SAMD12: variants seen among roughly 807,000 people sequenced by gnomAD.
SAMD12 encodes the protein sterile alpha motif domain-containing protein 12.
In SAMD12, 9 loss-of-function variants were observed where a neutral mutation model predicts 15.0. That is an observed-to-expected ratio of 0.60 (90% CI 0.36 to 1.05). The LOEUF (loss-of-function observed/expected upper bound fraction) is 1.05, where lower values mean the gene tolerates loss of function less well. Among genes scored for constraint, SAMD12 ranks in the 50% least tolerant of loss-of-function variants. SAMD12 has a pLI of 0.01. For missense variants in SAMD12, 230 were observed against 234.2 expected (o/e 0.98, Z 0.12); for synonymous variants, 86 against 90.1 (o/e 0.96, Z 0.25).
At chr8:118,391,258 A>G (rs1224275625) in intron 3 of SAMD12, among the ~76,000 whole-genome samples, 1 of 152,254 alleles carries the variant, frequency 6.6e-6, no homozygotes, top group East Asian at 1.9e-4. Flanking sequence ...TAGTACCAAC[A>G]TAATGGAGAC....
At chr8:118,555,190 A>G (rs1394835726) in intron 2 of SAMD12, among the ~76,000 whole-genome samples, 4 of 152,228 alleles carry the variant, frequency 2.6e-5, no homozygotes, top group African/African-American at 9.6e-5. Context: ...CCTCACATCC[A>G]TTAATTATAA....
intron 2 of SAMD12, among the ~76,000 whole-genome samples, chr8:118,543,627 C>CTTTCTTTTTTT (rs1563573443): frequency 8.6e-6 from 1 of 116,916 alleles, no homozygotes; most frequent in Non-Finnish European, 1.6e-5. Context: ...TTCTTTCTTT[C>CTTTCTTTTTTT]TTTCTTTTTT....
At chr8:118,223,958 A>G (rs926604705) in intron 4 of SAMD12, among the ~76,000 whole-genome samples, 4 of 152,224 alleles carry the variant, frequency 2.6e-5, no homozygotes, top group African/African-American at 9.6e-5. Flanking sequence ...AAGTAAGGGT[A>G]ACAATTGCAA....
intron 4 of SAMD12, among the ~76,000 whole-genome samples, chr8:118,225,344 A>C (rs189385817): frequency 1.2e-4 from 19 of 152,218 alleles, no homozygotes; most frequent in African/African-American, 3.6e-4. Context: ...TCTGCCTCTG[A>C]ATACAATGCT....
intron 4 of SAMD12, among the ~76,000 whole-genome samples, chr8:118,217,165 A>C (rs1304614258): frequency 6.6e-6 from 1 of 152,000 alleles, no homozygotes; most frequent in Non-Finnish European, 1.5e-5. Flanking sequence ...CACCACACCC[A>C]GCTAATTTTT....
chr8:118,597,412 G>A (rs1827750887), intron 1 of SAMD12, among the ~76,000 whole-genome samples: 3 of 152,190 alleles, frequency 2.0e-5, no homozygotes, highest in Non-Finnish European at 4.4e-5. Context: ...ACAAAACTCT[G>A]GTAATGTCAG....
chr8:118,548,392 C>A (rs1586807627), intron 2 of SAMD12, among the ~76,000 whole-genome samples: 1 of 127,756 alleles, frequency 7.8e-6, no homozygotes, highest in African/African-American at 3.2e-5. Flanking sequence ...CATACACACA[C>A]ACACACACAC....
intron 1 of SAMD12, among the ~76,000 whole-genome samples, chr8:118,584,018 C>T (rs186797116): frequency 2.0e-4 from 30 of 152,276 alleles, no homozygotes; most frequent in Admixed American, 7.9e-4. Context: ...CCTTCCTTTA[C>T]GCAATCATGC....
intron 2 of SAMD12, among the ~76,000 whole-genome samples, chr8:118,514,155 A>T (rs4242584): frequency 0.64 from 97,103 of 151,974 alleles, 31,284 homozygotes; most frequent in African/African-American, 0.71. Context: ...CCCCATCACA[A>T]GGCATTTAAA....
chr8:118,339,746 T>C (rs903307139), intron 4 of SAMD12, among the ~76,000 whole-genome samples: 4 of 152,348 alleles, frequency 2.6e-5, no homozygotes, highest in Admixed American at 2.6e-4. Flanking sequence ...CTCCTCCCTA[T>C]GCACTCACTT....
At chr8:118,553,903 A>G (rs1826432799) in intron 2 of SAMD12, among the ~76,000 whole-genome samples, 2 of 151,514 alleles carry the variant, frequency 1.3e-5, no homozygotes, top group South Asian at 4.2e-4. Flanking sequence ...AAAAGAAGAC[A>G]TTTATGCAGC....
In SAMD12 at chr8:118,378,533, T is replaced by G. The variant is rs1819501482; in HGVS notation, c.*884A>C. The G allele has an allele frequency of 1.0e-6, 1 of 984,702 alleles. No homozygotes were observed. Among genetic ancestry groups the G allele is most frequent in the African/African-American group, 1.7e-5 (1 of 57,212 alleles). 61.0% of individuals were successfully genotyped at this position (984,702 alleles called of 1,614,324 possible). ...AATAGTCATCTTTCAGGGAGCACAT[T>G]ATTTCCTCTAGGCAAATGGACTATT... On this transcript the variant is annotated 3_prime_UTR_variant, in exon 4 of 4. Transcript: ENST00000314727.
chr8:118,618,674 C>T (rs189205745), intron 1 of SAMD12, among the ~76,000 whole-genome samples: 90 of 152,028 alleles, frequency 5.9e-4, no homozygotes, highest in African/African-American at 2.1e-3. Context: ...TCTGTCTCTA[C>T]TAAAAGTACA....
chr8:118,412,953 G>T (rs62533398), intron 3 of SAMD12, among the ~76,000 whole-genome samples: 2 of 152,056 alleles, frequency 1.3e-5, no homozygotes, highest in Non-Finnish European at 2.9e-5. Flanking sequence ...TGTGACACAA[G>T]TAGAGGCTTG....
chr8:118,560,856 G>T (rs1190251543), intron 2 of SAMD12, among the ~76,000 whole-genome samples: 2 of 151,846 alleles, frequency 1.3e-5, no homozygotes, highest in Non-Finnish European at 2.9e-5. Flanking sequence ...TCTTAATATA[G>T]AAAAATAATA....
chr8:118,173,740 A>T, the SAMD12 span, among the ~76,000 whole-genome samples: 1 of 150,782 alleles, frequency 6.6e-6, no homozygotes, highest in East Asian at 2.0e-4. Flanking sequence ...AGTGATTCTC[A>T]TGCCTCAGCT....
At position 118,598,262 on chromosome 8, in the gene SAMD12, T is replaced by C. The variant is rs73709145; in HGVS notation, c.14-17369A>G. Among the ~76,000 whole-genome samples the C allele has an allele frequency of 4.1e-3, 628 of 152,316 alleles. 2 individuals carry two copies. The highest frequency in any genetic ancestry group is 0.014 in the African/African-American group (590 of 41,574). On this transcript the variant is annotated intron_variant, in intron 1 of 3. Transcript: ENST00000314727. ...CATATGCTGAAGGCTTAACCCCTAA[T>C]GTCACCATATTTGGAGAGAGGGCCT...
At chr8:118,210,698 A>G (rs1317013036) in intron 4 of SAMD12, among the ~76,000 whole-genome samples, 1 of 152,190 alleles carries the variant, frequency 6.6e-6, no homozygotes, top group Non-Finnish European at 1.5e-5. Flanking sequence ...ACAGAAATGG[A>G]TTAAATTTGT....
At chr8:118,399,273 T>C (rs1034880962) in intron 3 of SAMD12, among the ~76,000 whole-genome samples, 2 of 151,492 alleles carry the variant, frequency 1.3e-5, no homozygotes, top group Admixed American at 6.6e-5. Context: ...CAGATAAAAG[T>C]AGAGTTCAGA....
Sources: gnomAD v4.1 joint callset for allele counts (sites outside exome capture counted in the v4.1 genomes callset) on GRCh38, gnomAD v4.1.1 for gene constraint, MANE v1.5 for transcripts, NCBI Gene and HGNC (gene_info 2026-07-23, HGNC 2026-07-21) for gene names.